The following RGS7 variants were observed in gnomAD, a reference collection of about 807,000 sequenced individuals.
RGS7 encodes regulator of G protein signaling 7.
In RGS7, 27 loss-of-function variants were observed where a neutral mutation model predicts 81.1. That is an observed-to-expected ratio of 0.33 (90% CI 0.25 to 0.46). The LOEUF (loss-of-function observed/expected upper bound fraction) is 0.46, where lower values mean the gene tolerates loss of function less well. RGS7 is among the 20% of genes least tolerant of loss of function. The pLI, the probability that RGS7 is intolerant of heterozygous loss-of-function variation, is 1.00. For synonymous variants in RGS7, 208 were observed against 207.7 expected, an observed-to-expected ratio of 1.00 and a Z score of -0.01; for missense variants, 396 against 607.4, an observed-to-expected ratio of 0.65 and a Z score of 3.66.
chr1:240,806,759 G>A (rs2103073635), intron 14 of RGS7, among the ~76,000 whole-genome samples: 1 of 152,024 alleles, frequency 6.6e-6, no homozygotes, highest in South Asian at 2.1e-4. Flanking sequence ...GCCTCCAATT[G>A]GGAGATAAAG....
At chr1:241,234,386 G>A (rs2075818674) in intron 2 of RGS7, among the ~76,000 whole-genome samples, 1 of 152,180 alleles carries the variant, frequency 6.6e-6, no homozygotes, top group African/African-American at 2.4e-5. Context: ...GCAGTGGTAC[G>A]ATTATCTTGC....
At chr1:240,800,593 T>A in intron 18 of RGS7, 48 bp downstream of exon 18, 1 of 1,220,046 alleles carries the variant, frequency 8.2e-7, no homozygotes, top group East Asian at 2.6e-5. Flanking sequence ...ACCACACAAC[T>A]CAACAGACAA....
chr1:241,239,309 T>A (rs561126336), intron 2 of RGS7, among the ~76,000 whole-genome samples: 1 of 152,194 alleles, frequency 6.6e-6, no homozygotes, highest in Admixed American at 6.6e-5. Flanking sequence ...ATGCATTGGT[T>A]CCCTGCTATT....
rs2077924512 is a variant in RGS7, at chr1:241,271,927, G to A, written c.78+83772C>T. ...TGTGTGTGTGTGTGTGTGTGTGTGT[G>A]TGTGTAGACACACTATTGGTTCTGT... On this transcript the variant is annotated intron_variant, in intron 2 of 18. Coordinates refer to ENST00000440928, the MANE Select transcript of RGS7 (RefSeq NM_001364886.1). This position sits in a 1 kb window ranked among gnomAD's most constrained non-coding sequence, Gnocchi z 4.6. Among the ~76,000 whole-genome samples, 1 of 121,034 alleles carries A rather than the reference G, an allele frequency of 8.3e-6. No individual in the cohort carries two copies. The highest frequency in any genetic ancestry group is 3.1e-5 in the African/African-American group (1 of 32,758). 79.4% of individuals were successfully genotyped at this position (121,034 alleles called of 152,430 possible). A position where few individuals can be genotyped will look rare whatever the true frequency, so the allele number is the denominator to read the frequency against.
At chr1:241,207,261 T>TC (rs2073970649) in intron 2 of RGS7, among the ~76,000 whole-genome samples, 1 of 151,336 alleles carries the variant, frequency 6.6e-6, no homozygotes, top group Non-Finnish European at 1.5e-5. Context: ...TCTCTCTCTC[T>TC]TTCTTTCCCC....
chr1:240,855,308 C>CAAAAA lies in RGS7; in HGVS notation c.609+13274_609+13278dup, dbSNP rs758331434. ...TGGGCGACAGAGTGAGACCATGTCTCAAAAAAAAAAAAAAAAAAAGGAGAA... is the reference window on the plus strand; with the variant it reads ...TGGGCGACAGAGTGAGACCATGTCTCAAAAAAAAAAAAAAAAAAAAAAAAGGAGAA... On this transcript the variant is annotated intron_variant, in intron 9 of 18. Coordinates refer to ENST00000440928, the MANE Select transcript of RGS7 (RefSeq NM_001364886.1). Among the ~76,000 whole-genome samples, 142 of 14,888 alleles carry CAAAAA rather than the reference C, an allele frequency of 9.5e-3. 8 individuals carry two copies. The highest frequency in any genetic ancestry group is 0.025 in the African/African-American group (136 of 5,438). The allele number at this position is 14,888 out of a possible 152,430, so 9.8% of individuals were successfully genotyped here. A position where few individuals can be genotyped will look rare whatever the true frequency, so the allele number is the denominator to read the frequency against.
intron 3 of RGS7, among the ~76,000 whole-genome samples, chr1:241,017,377 T>G (rs574630217): frequency 5.1e-4 from 75 of 148,096 alleles, no homozygotes; most frequent in African/African-American, 1.8e-3. Flanking sequence ...GGAGGTGGAG[T>G]TGCAGTGAGA....
chr1:240,802,149 T>C (rs1688124036), intron 16 of RGS7, among the ~76,000 whole-genome samples: 1 of 152,206 alleles, frequency 6.6e-6, no homozygotes, highest in African/African-American at 2.4e-5. Flanking sequence ...TTAGCCTACA[T>C]GACGATCATG....
intron 2 of RGS7, among the ~76,000 whole-genome samples, chr1:241,102,960 C>A (rs560469363): frequency 2.3e-4 from 34 of 150,750 alleles, no homozygotes; most frequent in African/African-American, 8.3e-4. Flanking sequence ...GGTCTGTTTT[C>A]CCACTATTAG....
chr1:241,253,177 G>C (rs1316129979), intron 2 of RGS7, among the ~76,000 whole-genome samples: 1 of 152,170 alleles, frequency 6.6e-6, no homozygotes, highest in African/African-American at 2.4e-5. Flanking sequence ...TGACAGATTG[G>C]ATGAGAACCA....
intron 6 of RGS7, among the ~76,000 whole-genome samples, chr1:240,903,225 C>T (rs1670295738): frequency 6.6e-6 from 1 of 152,140 alleles, no homozygotes; most frequent in Non-Finnish European, 1.5e-5. Flanking sequence ...CTCATCAGTG[C>T]TGTCTGCTAG....
intron 6 of RGS7, among the ~76,000 whole-genome samples, chr1:240,929,836 C>T (rs879876402): frequency 4.6e-5 from 7 of 152,172 alleles, no homozygotes; most frequent in African/African-American, 7.2e-5. Flanking sequence ...ATTTCTCATT[C>T]TTTTAAACAT....
intron 4 of RGS7, among the ~76,000 whole-genome samples, chr1:240,979,586 G>C (rs1255892627): frequency 6.6e-6 from 1 of 152,172 alleles, no homozygotes; most frequent in African/African-American, 2.4e-5. Context: ...GTTTCGGGGA[G>C]AGGCCTTAGG....
chr1:240,775,257 G>C (rs961901697), downstream of RGS7, among the ~76,000 whole-genome samples: 2 of 152,140 alleles, frequency 1.3e-5, no homozygotes, highest in Non-Finnish European at 2.9e-5. Flanking sequence ...AGGCAGAAAG[G>C]CCTTTTAAAT....
intron 3 of RGS7, among the ~76,000 whole-genome samples, chr1:241,002,327 C>T (rs1688267038): frequency 6.6e-6 from 1 of 151,846 alleles, no homozygotes; most frequent in Non-Finnish European, 1.5e-5. Flanking sequence ...GTGGCTCATG[C>T]CTATAATCCC....
intron 18 of RGS7, among the ~76,000 whole-genome samples, chr1:240,782,024 AAAAG>A (rs1684197709): frequency 6.6e-6 from 1 of 151,822 alleles, no homozygotes; most frequent in African/African-American, 2.4e-5. Flanking sequence ...CAAAAAAAAA[AAAAG>A]AGATCTTAAG....
At chr1:240,900,886 C>T (rs1038200766) in intron 6 of RGS7, among the ~76,000 whole-genome samples, 3 of 152,200 alleles carry the variant, frequency 2.0e-5, no homozygotes, top group Non-Finnish European at 4.4e-5. Context: ...TGCCCTGCCA[C>T]CAGAGGTGGA....
At chr1:241,093,632 TAAATA>T (rs898981015) in intron 3 of RGS7, among the ~76,000 whole-genome samples, 28 of 152,054 alleles carry the variant, frequency 1.8e-4, no homozygotes, top group Middle Eastern at 3.4e-3. Context: ...GGGGAAAAAA[TAAATA>T]AAATAAAGTA....
At chr1:240,928,427 G>A (rs1674836070) in intron 6 of RGS7, among the ~76,000 whole-genome samples, 1 of 152,058 alleles carries the variant, frequency 6.6e-6, no homozygotes. Flanking sequence ...GAGATGTTCT[G>A]TAAATGATCT....
Sources: gnomAD v4.1 joint callset for allele counts (sites outside exome capture counted in the v4.1 genomes callset) on GRCh38, gnomAD v4.1.1 for gene constraint, Gnocchi (gnomAD v3.1) non-coding constraint, MANE v1.5 for transcripts, NCBI Gene and HGNC (gene_info 2026-07-23, HGNC 2026-07-21) for gene names.